The following VTI1A variants were observed in gnomAD, a reference collection of about 807,000 sequenced individuals.
VTI1A encodes vesicle transport through interaction with t-SNAREs 1A, also known as vesicle transport through interaction with t-SNAREs homolog 1A.
A neutral mutation model predicts 34.9 loss-of-function variants in VTI1A; 22 were observed. The observed-to-expected ratio is 0.63, with a 90% CI of 0.45 to 0.90. The LOEUF (loss-of-function observed/expected upper bound fraction) is 0.90. VTI1A is among the 40% of genes least tolerant of loss of function. VTI1A has a pLI of 0.00. For missense variants in VTI1A, 268 were observed against 275.6 expected (o/e 0.97, Z 0.20); for synonymous variants, 87 against 97.3 (o/e 0.89, Z 0.62).
intron 5 of VTI1A, among the ~76,000 whole-genome samples, chr10:112,656,752 G>A (rs1022790661): frequency 2.6e-5 from 4 of 151,774 alleles, no homozygotes; most frequent in African/African-American, 7.3e-5. Flanking sequence ...GATTTCCTGC[G>A]GGATATTTCT....
chr10:112,547,684 T>C (rs983117582), intron 5 of VTI1A, among the ~76,000 whole-genome samples: 1 of 152,238 alleles, frequency 6.6e-6, no homozygotes, highest in African/African-American at 2.4e-5. Context: ...AGTTTATGTA[T>C]GCCCTTTATG....
chr10:112,476,708 T>C (rs1290139327), intron 3 of VTI1A, among the ~76,000 whole-genome samples: 2 of 152,202 alleles, frequency 1.3e-5, no homozygotes, highest in Non-Finnish European at 2.9e-5. Flanking sequence ...GTTACAAAAG[T>C]ATTTGAATAA....
At chr10:112,837,191 G>T in the VTI1A span, among the ~76,000 whole-genome samples, 1 of 152,238 alleles carries the variant, frequency 6.6e-6, no homozygotes, top group African/African-American at 2.4e-5. Flanking sequence ...GTGGTGTGTG[G>T]TGGTGCACAC....
chr10:112,450,842 A>G (rs1464609744), intron 1 of VTI1A: 1 of 152,202 alleles, frequency 6.6e-6, no homozygotes, highest in Non-Finnish European at 1.5e-5. Context: ...TCTGTGGGAA[A>G]GTAAGGAAAA....
chr10:112,738,066 C>G (rs1850560322), intron 7 of VTI1A, among the ~76,000 whole-genome samples: 1 of 152,148 alleles, frequency 6.6e-6, no homozygotes, highest in Non-Finnish European at 1.5e-5. Flanking sequence ...TTATCCTTGT[C>G]AATTGTTGGG....
intron 7 of VTI1A, among the ~76,000 whole-genome samples, chr10:112,780,198 G>T: frequency 6.6e-6 from 1 of 151,064 alleles, no homozygotes. Context: ...TTGAGCCCAG[G>T]AGTTCAAGGT....
chr10:112,763,276 TAAAAATACAA>T (rs760548321), intron 7 of VTI1A, among the ~76,000 whole-genome samples: 5 of 151,998 alleles, frequency 3.3e-5, no homozygotes, highest in Admixed American at 2.0e-4. Context: ...CTGTCTGTAC[TAAAAATACAA>T]AAAATTAGCC....
At chr10:112,560,654 T>G (rs988480092) in intron 5 of VTI1A, among the ~76,000 whole-genome samples, 3 of 148,926 alleles carry the variant, frequency 2.0e-5, no homozygotes, top group Admixed American at 1.4e-4. Flanking sequence ...TGGAGTGCAG[T>G]GGCATGATCT....
intron 7 of VTI1A, among the ~76,000 whole-genome samples, chr10:112,809,488 T>G (rs1443840161): frequency 6.6e-6 from 1 of 152,206 alleles, no homozygotes; most frequent in Non-Finnish European, 1.5e-5. Context: ...TCAGGGCCAG[T>G]CGGCCAGGCA....
At chr10:112,828,506 C>T in the VTI1A span, among the ~76,000 whole-genome samples, 2,133 of 151,968 alleles carry the variant, frequency 0.014, 54 homozygotes, top group African/African-American at 0.048. Context: ...CCTGGGTTCA[C>T]GCAATTCTCC....
chr10:112,572,645 T>C (rs1852174214), intron 5 of VTI1A, among the ~76,000 whole-genome samples: 2 of 151,904 alleles, frequency 1.3e-5, no homozygotes, highest in East Asian at 1.9e-4. Context: ...GAGACCATCT[T>C]GGCTAACACG....
the VTI1A span, among the ~76,000 whole-genome samples, chr10:112,830,836 TATATATATATA>T: frequency 9.3e-4 from 45 of 48,318 alleles, 4 homozygotes; most frequent in East Asian, 6.5e-4. Context: ...TATATATATA[TATATATATATA>T]TATTTTTTTT....
chr10:112,826,859 C>CA, the VTI1A span: 1 of 152,154 alleles, frequency 6.6e-6, no homozygotes, highest in East Asian at 1.9e-4. Flanking sequence ...AGCATCCCGT[C>CA]ACGTTCTGTA....
intron 7 of VTI1A, among the ~76,000 whole-genome samples, chr10:112,784,804 G>A (rs1281273115): frequency 6.6e-6 from 1 of 152,012 alleles, no homozygotes; most frequent in Non-Finnish European, 1.5e-5. Context: ...TAGTCAAAAC[G>A]AAAAAAATTT....
At chr10:112,479,760 T>G (rs1848403628) in intron 3 of VTI1A, among the ~76,000 whole-genome samples, 1 of 152,192 alleles carries the variant, frequency 6.6e-6, no homozygotes, top group South Asian at 2.1e-4. Context: ...ATTCACTACC[T>G]TTCAAAATTG....
intron 3 of VTI1A, among the ~76,000 whole-genome samples, chr10:112,520,269 T>C (rs1234583625): frequency 6.6e-6 from 1 of 152,040 alleles, no homozygotes; most frequent in Non-Finnish European, 1.5e-5. Flanking sequence ...TGAAGTAATT[T>C]AATTGTTGAT....
At chr10:112,551,019 G>T (rs1054662434) in intron 5 of VTI1A, among the ~76,000 whole-genome samples, 2 of 152,084 alleles carry the variant, frequency 1.3e-5, no homozygotes, top group African/African-American at 4.8e-5. Context: ...CAAGGCGGGC[G>T]GATCACGAGG....
At chr10:112,542,405 T>C (rs1285464031) in intron 5 of VTI1A, among the ~76,000 whole-genome samples, 1 of 152,134 alleles carries the variant, frequency 6.6e-6, no homozygotes, top group Admixed American at 6.5e-5. Context: ...CTGTACCACT[T>C]GATGACCTTG....
intron 5 of VTI1A, among the ~76,000 whole-genome samples, chr10:112,555,058 T>C (rs1044350005): frequency 1.3e-5 from 2 of 151,974 alleles, no homozygotes; most frequent in African/African-American, 4.8e-5. Flanking sequence ...AAAACAAGAG[T>C]GTATTATGAT....
Sources: allele counts gnomAD v4.1 joint callset (sites outside exome capture counted in the v4.1 genomes callset), GRCh38; gene constraint gnomAD v4.1.1; transcripts MANE v1.5; gene names NCBI Gene and HGNC (gene_info 2026-07-23, HGNC 2026-07-21).